The following CERS6 variants were observed in gnomAD, a reference collection of about 807,000 sequenced individuals.
CERS6 encodes the protein LAG1 homolog, ceramide synthase 6.
A neutral mutation model predicts 56.8 loss-of-function variants in CERS6; 26 were observed. The observed-to-expected ratio is 0.46, with a 90% CI of 0.34 to 0.63. The LOEUF is 0.63. Ranked by LOEUF, CERS6 falls within the 30% of genes least tolerant of loss-of-function variation. CERS6 has a pLI of 0.01. For synonymous variants in CERS6, 164 were observed against 173.3 expected, an observed-to-expected ratio of 0.95 and a Z score of 0.42; for missense variants, 415 against 467.5, an observed-to-expected ratio of 0.89 and a Z score of 1.04.
intron 4 of CERS6, among the ~76,000 whole-genome samples, chr2:168,667,374 T>A (rs1424056549): frequency 1.3e-5 from 2 of 152,224 alleles, no homozygotes; most frequent in African/African-American, 4.8e-5. Flanking sequence ...GTAGTGCTTT[T>A]CTTTATCCAC....
At chr2:168,604,222 A>G (rs773424424) in intron 3 of CERS6, among the ~76,000 whole-genome samples, 29 of 152,350 alleles carry the variant, frequency 1.9e-4, no homozygotes, top group Non-Finnish European at 3.8e-4. Context: ...CTTGAAAATT[A>G]TAAGCAATTT....
rs552538388 is a variant in CERS6, at chr2:168,693,057, T to C, written c.517-1902T>C. 3.3e-5 allele frequency among the ~76,000 whole-genome samples: 5 copies of C among 152,302 alleles called. No homozygotes were observed. In the South Asian group the frequency reaches 1.0e-3, roughly 32 times the overall value. Reference sequence around the variant, plus strand: ...ATTTGTTACATATTAAATAATTTCATATACATGTGTATATTCTAAGTTTAA... The same window carrying C: ...ATTTGTTACATATTAAATAATTTCACATACATGTGTATATTCTAAGTTTAA... On this transcript the variant is annotated intron_variant, in intron 5 of 9. Coordinates refer to ENST00000305747, the MANE Select transcript of CERS6 (RefSeq NM_203463.3).
At chr2:168,571,514 G>A (rs1335184515) in intron 3 of CERS6, among the ~76,000 whole-genome samples, 2 of 152,102 alleles carry the variant, frequency 1.3e-5, no homozygotes, top group African/African-American at 4.8e-5. Context: ...CATTTCTCAA[G>A]TTGGAATGAT....
chr2:168,646,174 C>T (rs1685195775), intron 4 of CERS6, among the ~76,000 whole-genome samples: 1 of 152,150 alleles, frequency 6.6e-6, no homozygotes, highest in African/African-American at 2.4e-5. Flanking sequence ...GTAAGTGTTC[C>T]CCTTTCTCTG....
At chr2:168,594,223 A>T (rs1176429866) in intron 3 of CERS6, among the ~76,000 whole-genome samples, 1 of 152,194 alleles carries the variant, frequency 6.6e-6, no homozygotes, top group African/African-American at 2.4e-5. Flanking sequence ...GTCCTTTATT[A>T]TTAGTATCTT....
intron 1 of CERS6, among the ~76,000 whole-genome samples, chr2:168,472,781 A>C (rs1226115169): frequency 6.6e-6 from 1 of 152,218 alleles, no homozygotes; most frequent in Admixed American, 6.5e-5. Context: ...AGGATGTTAA[A>C]TAGGATAGGT....
At chr2:168,480,806 G>A (rs1010385380) in intron 1 of CERS6, among the ~76,000 whole-genome samples, 1 of 152,162 alleles carries the variant, frequency 6.6e-6, no homozygotes, top group African/African-American at 2.4e-5. Flanking sequence ...AAAGTTATGT[G>A]AAATAGAGTA....
intron 3 of CERS6, among the ~76,000 whole-genome samples, chr2:168,603,746 A>G (rs1044957097): frequency 2.0e-5 from 3 of 152,192 alleles, no homozygotes; most frequent in East Asian, 1.9e-4. Flanking sequence ...ACCTAAAACT[A>G]TGCTACAATT....
At chr2:168,732,909 T>G (rs1422285537) in intron 8 of CERS6, among the ~76,000 whole-genome samples, 1 of 152,182 alleles carries the variant, frequency 6.6e-6, no homozygotes, top group Non-Finnish European at 1.5e-5. Context: ...CTTGGTTGTG[T>G]GTTTACAATG....
chr2:168,691,319 T>C (rs1686496312), intron 5 of CERS6, among the ~76,000 whole-genome samples: 1 of 152,134 alleles, frequency 6.6e-6, no homozygotes, highest in South Asian at 2.1e-4. Context: ...GGAAAGTACA[T>C]TTACAAGGGA....
intron 8 of CERS6, among the ~76,000 whole-genome samples, chr2:168,724,744 G>A (rs192442326): frequency 1.3e-5 from 2 of 150,864 alleles, no homozygotes; most frequent in Admixed American, 1.3e-4. Context: ...TTGAGTTTGA[G>A]ACAGAGTGCC....
At chr2:168,481,433 C>G (rs1436288254) in intron 1 of CERS6, among the ~76,000 whole-genome samples, 2 of 152,048 alleles carry the variant, frequency 1.3e-5, no homozygotes, top group African/African-American at 4.8e-5. Context: ...CGGACAGTTA[C>G]AGGTCATCAG....
chr2:168,474,094 T>C (rs1694025751), intron 1 of CERS6, among the ~76,000 whole-genome samples: 1 of 152,214 alleles, frequency 6.6e-6, no homozygotes, highest in South Asian at 2.1e-4. Flanking sequence ...ATGAATGGTA[T>C]ATTCTGAGTC....
At chr2:168,555,722 C>CTGTATGTGTGTGTG (rs1553491464) in intron 2 of CERS6, among the ~76,000 whole-genome samples, 52 of 141,010 alleles carry the variant, frequency 3.7e-4, no homozygotes, top group African/African-American at 1.2e-3. Flanking sequence ...ATAATTGACT[C>CTGTATGTGTGTGTG]TGTGTGTGTG....
At chr2:168,529,673 A>G (rs1301955698) in intron 1 of CERS6, among the ~76,000 whole-genome samples, 4 of 152,198 alleles carry the variant, frequency 2.6e-5, no homozygotes, top group Non-Finnish European at 4.4e-5. Flanking sequence ...ATTGGCATTC[A>G]TCTCTTCAGT....
chr2:168,474,298 ACTT>A (rs1694029369), intron 1 of CERS6, among the ~76,000 whole-genome samples: 3 of 152,164 alleles, frequency 2.0e-5, no homozygotes. Flanking sequence ...TCCTATACAG[ACTT>A]CTTTGCATTT....
chr2:168,657,458 G>C (rs1401078906), intron 4 of CERS6, among the ~76,000 whole-genome samples: 1 of 152,262 alleles, frequency 6.6e-6, no homozygotes, highest in Non-Finnish European at 1.5e-5. Flanking sequence ...GCCCTTGGGT[G>C]GTCGATGGGA....
At chr2:168,677,879 C>T (rs181304366) in intron 4 of CERS6, among the ~76,000 whole-genome samples, 11 of 152,202 alleles carry the variant, frequency 7.2e-5, no homozygotes, top group East Asian at 1.9e-4. Flanking sequence ...AGAAAGTGGG[C>T]GAAGGATATA....
chr2:168,676,138 C>G (rs946736778), intron 4 of CERS6, among the ~76,000 whole-genome samples: 3 of 152,188 alleles, frequency 2.0e-5, no homozygotes, highest in African/African-American at 7.2e-5. Flanking sequence ...AATACCTGGA[C>G]TTAAAGATAT....
Sources: allele counts gnomAD v4.1 joint callset (sites outside exome capture counted in the v4.1 genomes callset), GRCh38; gene constraint gnomAD v4.1.1; transcripts MANE v1.5; gene names NCBI Gene and HGNC (gene_info 2026-07-23, HGNC 2026-07-21).